The following KAZN variants were observed in gnomAD, a reference collection of about 807,000 sequenced individuals.
KAZN encodes the protein kazrin.
KAZN carries 40 observed loss-of-function variants against 87.4 expected under a neutral mutation model. That is an observed-to-expected ratio of 0.46 (90% confidence interval 0.36 to 0.60). The LOEUF is 0.60. KAZN is among the 20% of genes least tolerant of loss of function. The pLI is 0.00. For synonymous variants in KAZN, 466 were observed against 458.3 expected, an observed-to-expected ratio of 1.02 and a Z score of -0.22; for missense variants, 898 against 1,073.9, an observed-to-expected ratio of 0.84 and a Z score of 2.29.
intron 2 of KAZN, among the ~76,000 whole-genome samples, chr1:14,539,022 T>C (rs1672659462): frequency 1.3e-5 from 2 of 152,222 alleles, no homozygotes; most frequent in South Asian, 2.1e-4. Flanking sequence ...GTTATTTTAC[T>C]ATTTTAACAA....
intron 1 of KAZN, among the ~76,000 whole-genome samples, chr1:14,633,835 C>T (rs1679757610): frequency 1.3e-5 from 2 of 151,918 alleles, no homozygotes; most frequent in Non-Finnish European, 2.9e-5. Flanking sequence ...GAGCCTGGCT[C>T]GACACCTGGT....
intron 2 of KAZN, among the ~76,000 whole-genome samples, chr1:14,390,075 T>G (rs923181381): frequency 6.6e-6 from 1 of 151,284 alleles, no homozygotes; most frequent in Non-Finnish European, 1.5e-5. Context: ...ATGTGAGAAA[T>G]AAATAAATAA....
intron 1 of KAZN, among the ~76,000 whole-genome samples, chr1:14,017,539 C>A (rs1330555020): frequency 6.6e-6 from 1 of 152,176 alleles, no homozygotes; most frequent in Non-Finnish European, 1.5e-5. Flanking sequence ...GTGTGACCTG[C>A]CCAAGGGCAT....
intron 1 of KAZN, among the ~76,000 whole-genome samples, chr1:13,911,670 C>A (rs565417663): frequency 6.6e-6 from 1 of 152,140 alleles, no homozygotes. Flanking sequence ...CATTTTGAAA[C>A]CTGCCTCACA....
chr1:14,257,976 A>G (rs1650674515), intron 2 of KAZN, among the ~76,000 whole-genome samples: 1 of 96,516 alleles, frequency 1.0e-5, no homozygotes, highest in Non-Finnish European at 1.8e-5. Flanking sequence ...AAAAAAAGAG[A>G]AAAAAAAAAA....
chr1:13,972,321 C>T (rs1405479845), intron 1 of KAZN, among the ~76,000 whole-genome samples: 8 of 149,878 alleles, frequency 5.3e-5, no homozygotes, highest in Admixed American at 6.6e-5. Context: ...TCACCCAGGC[C>T]GGAGTGCAGT....
chr1:14,546,308 G>C (rs1456287833), intron 2 of KAZN, among the ~76,000 whole-genome samples: 1 of 152,174 alleles, frequency 6.6e-6, no homozygotes, highest in Non-Finnish European at 1.5e-5. Context: ...GGAGAGAAAA[G>C]CTTCCAGAGA....
chr1:14,250,609 G>A (rs1649934934), intron 2 of KAZN, among the ~76,000 whole-genome samples: 1 of 151,728 alleles, frequency 6.6e-6, no homozygotes, highest in Admixed American at 6.6e-5. Flanking sequence ...AGACTTTGAA[G>A]CAAAAGAACA....
chr1:14,181,595 C>A (rs1363224822), intron 2 of KAZN, among the ~76,000 whole-genome samples: 1 of 152,116 alleles, frequency 6.6e-6, no homozygotes, highest in Non-Finnish European at 1.5e-5. Flanking sequence ...ATTTTTGAGG[C>A]CCTCTGTTGA....
intron 1 of KAZN, among the ~76,000 whole-genome samples, chr1:14,035,840 T>G (rs1395837652): frequency 6.6e-6 from 1 of 152,132 alleles, no homozygotes; most frequent in Non-Finnish European, 1.5e-5. Context: ...CTAGAGTTTC[T>G]GGTTATATGT....
At chr1:13,941,499 G>A (rs1481524716) in intron 1 of KAZN, among the ~76,000 whole-genome samples, 1 of 152,144 alleles carries the variant, frequency 6.6e-6, no homozygotes, top group Non-Finnish European at 1.5e-5. Context: ...CCAAACCTTG[G>A]CAAGTCAAGT....
At chr1:14,565,582 C>G (rs1674506917) in intron 2 of KAZN, among the ~76,000 whole-genome samples, 1 of 152,182 alleles carries the variant, frequency 6.6e-6, no homozygotes, top group South Asian at 2.1e-4. Flanking sequence ...AAAGATTTCC[C>G]TGTAGCATGC....
intron 1 of KAZN, among the ~76,000 whole-genome samples, chr1:14,054,234 T>C (rs568358203): frequency 6.6e-6 from 1 of 152,318 alleles, no homozygotes; most frequent in Non-Finnish European, 1.5e-5. Context: ...AACTGTATAA[T>C]CCAGGCTGGG....
intron 1 of KAZN, among the ~76,000 whole-genome samples, chr1:14,028,291 T>C (rs1641170940): frequency 6.6e-6 from 1 of 152,190 alleles, no homozygotes; most frequent in Admixed American, 6.5e-5. Context: ...ATGCACAGAC[T>C]TCTACAAATG....
intron 1 of KAZN, among the ~76,000 whole-genome samples, chr1:14,684,801 A>C (rs1398503426): frequency 6.6e-6 from 1 of 152,192 alleles, no homozygotes; most frequent in Non-Finnish European, 1.5e-5. Context: ...TTGCAATGAC[A>C]TCAGGCCCAC....
intron 2 of KAZN, among the ~76,000 whole-genome samples, chr1:14,446,071 C>T (rs902786441): frequency 6.6e-6 from 1 of 152,006 alleles, no homozygotes; most frequent in African/African-American, 2.4e-5. Context: ...TGGTGCACAC[C>T]TGTAGGCCCA....
intron 1 of KAZN, among the ~76,000 whole-genome samples, chr1:14,855,171 C>A (rs1649940674): frequency 1.3e-5 from 2 of 152,182 alleles, no homozygotes; most frequent in Non-Finnish European, 2.9e-5. Flanking sequence ...CGTTTCCAAC[C>A]TGCTAAACTG....
intron 1 of KAZN, among the ~76,000 whole-genome samples, chr1:14,082,311 C>T (rs1643704796): frequency 6.6e-6 from 1 of 152,194 alleles, no homozygotes; most frequent in Admixed American, 6.5e-5. Flanking sequence ...CAGTCTCTTA[C>T]TGCATGTCCT....
At position 15,100,599 on chromosome 1, in the gene KAZN, G is replaced by A. The variant is rs116891396; in HGVS notation, c.1548-944G>A. On this transcript the variant is annotated intron_variant, in intron 10 of 14. Coordinates refer to ENST00000376030, the MANE Select transcript of KAZN (RefSeq NM_201628.3). ...AGCCAGGCACAGTCACACATTCACC[G>A]GCTTGAAAATTCAAGCACTTGCGCA... Among the ~76,000 whole-genome samples the A allele has an allele frequency of 1.1e-3, 163 of 152,334 alleles. 3 individuals are homozygous for A. Among genetic ancestry groups the A allele is most frequent in the East Asian group, 9.1e-3 (47 of 5,190 alleles).
Sources: gnomAD v4.1 joint callset for allele counts (sites outside exome capture counted in the v4.1 genomes callset) on GRCh38, gnomAD v4.1.1 for gene constraint, MANE v1.5 for transcripts, NCBI Gene and HGNC (gene_info 2026-07-23, HGNC 2026-07-21) for gene names.